KAT6A: variants seen among roughly 807,000 people sequenced by gnomAD.
The protein encoded by KAT6A is lysine acetyltransferase 6A.
KAT6A carries 9 observed loss-of-function variants against 198.4 expected under a neutral mutation model. The observed-to-expected ratio is 0.05, with a 90% CI of 0.03 to 0.08. The LOEUF is 0.08. Among genes scored for constraint, KAT6A ranks in the 10% least tolerant of loss-of-function variants. The pLI, the probability that KAT6A is intolerant of heterozygous loss-of-function variation, is 1.00. For missense variants in KAT6A, 2,077 were observed against 2,509.9 expected (o/e 0.83, Z 3.69); for synonymous variants, 890 against 883.0 (o/e 1.01, Z -0.14).
chr8:41,943,949 G>A lies in KAT6A; in HGVS notation c.2027C>T (p.Ala676Val), dbSNP rs768747478. ...AGATAACGGTTTCTCTGGAGACCCT[G>A]CTTGGCCTTCACGCTTTGATAACAA... Reference protein sequence around the residue: ...SYLLSKREGQAGSPEKPLSDL... With the variant: ...SYLLSKREGQVGSPEKPLSDL... Residue 676 changes from alanine to valine, a missense_variant, in exon 13 of 17, where the codon GCA becomes GTA. This residue lies in a region of KAT6A where 127 missense variants were observed against 209.6 expected (regional missense o/e 0.61). Transcript: ENST00000265713. The A allele has an allele frequency of 1.2e-6, 2 of 1,613,854 alleles. No individual in the cohort carries two copies. Among genetic ancestry groups the A allele is most frequent in the Non-Finnish European group, 1.7e-6 (2 of 1,179,840 alleles).
intron 3 of KAT6A, among the ~76,000 whole-genome samples, chr8:41,984,183 T>C (rs1205955151): frequency 6.6e-6 from 1 of 152,234 alleles, no homozygotes; most frequent in East Asian, 1.9e-4. Flanking sequence ...TGCCTCCTGC[T>C]AGTCATACTC....
chr8:42,045,941 C>G (rs368310245), intron 2 of KAT6A, among the ~76,000 whole-genome samples: 1 of 151,776 alleles, frequency 6.6e-6, no homozygotes, highest in East Asian at 1.9e-4. Context: ...GCTGAGATCA[C>G]ACCACTGCAC....
chr8:42,044,058 A>T (rs1391484643), intron 2 of KAT6A, among the ~76,000 whole-genome samples: 3 of 152,070 alleles, frequency 2.0e-5, no homozygotes, highest in African/African-American at 7.2e-5. Flanking sequence ...ACCACACTCT[A>T]AAGTTAGCTC....
At chr8:41,977,912 T>C (rs571046265) in intron 6 of KAT6A, among the ~76,000 whole-genome samples, 3 of 152,320 alleles carry the variant, frequency 2.0e-5, no homozygotes, top group Non-Finnish European at 2.9e-5. Flanking sequence ...ACCTTCAAGA[T>C]AGTCTTACGT....
intron 2 of KAT6A, among the ~76,000 whole-genome samples, chr8:41,992,015 A>C (rs1346767030): frequency 6.6e-6 from 1 of 152,148 alleles, no homozygotes; most frequent in Non-Finnish European, 1.5e-5. Context: ...GAGCCTGGGC[A>C]ACAAGCAAAA....
intron 8 of KAT6A, among the ~76,000 whole-genome samples, chr8:41,960,022 G>C (rs1823116003): frequency 6.6e-6 from 1 of 151,792 alleles, no homozygotes; most frequent in Non-Finnish European, 1.5e-5. Flanking sequence ...ATGAACCTTG[G>C]GGACATTATG....
At chr8:41,984,111 C>T (rs987141070) in intron 3 of KAT6A, among the ~76,000 whole-genome samples, 5 of 152,192 alleles carry the variant, frequency 3.3e-5, no homozygotes, top group African/African-American at 1.2e-4. Flanking sequence ...TCCAGCTATG[C>T]CCATGCTGTT....
chr8:41,955,769 G>A (rs901590289), intron 8 of KAT6A, among the ~76,000 whole-genome samples: 4 of 152,164 alleles, frequency 2.6e-5, no homozygotes, highest in Admixed American at 2.6e-4. Flanking sequence ...TTACAAGTGA[G>A]GGAGGGGGAC....
intron 2 of KAT6A, among the ~76,000 whole-genome samples, chr8:42,000,457 A>G (rs768951687): frequency 2.7e-4 from 41 of 152,078 alleles, no homozygotes; most frequent in Non-Finnish European, 5.1e-4. Context: ...AGGCTGAGGC[A>G]GGAGAATCAC....
chr8:41,984,912 G>C (rs1439173815), intron 3 of KAT6A, among the ~76,000 whole-genome samples: 1 of 151,642 alleles, frequency 6.6e-6, no homozygotes, highest in Admixed American at 6.6e-5. Context: ...GAACCCGGGA[G>C]GCAGAGCTTG....
chr8:41,934,253 G>A lies in KAT6A; in HGVS notation c.3967C>T (p.His1323Tyr), dbSNP rs761019783. 11 of 1,613,908 alleles carry A rather than the reference G, an allele frequency of 6.8e-6. No individual in the cohort carries two copies. The African/African-American group carries it at 1.3e-4, about 20-fold the overall frequency. The change falls in exon 17 of 17, where the codon CAC becomes TAC. Residue 1323 changes from histidine to tyrosine, a missense_variant. Coordinates refer to ENST00000265713, the MANE Select transcript of KAT6A (RefSeq NM_006766.5). ...DHDADDEDDG[H>Y]LESTKKKELE... The stretch of plus-strand genomic sequence containing the variant: ...TCCTTTTTCTTTGTGGACTCCAGGT[G>A]GCCATCATCCTCATCATCAGCGTCG...
At chr8:42,019,562 C>A (rs890091261) in intron 2 of KAT6A, among the ~76,000 whole-genome samples, 4 of 152,102 alleles carry the variant, frequency 2.6e-5, no homozygotes, top group Admixed American at 2.6e-4. Context: ...CATGAAGAAA[C>A]TGAGGGCAAA....
chr8:42,025,133 T>G (rs928734395), intron 2 of KAT6A, among the ~76,000 whole-genome samples: 1 of 152,218 alleles, frequency 6.6e-6, no homozygotes. Context: ...ACAACAGCCA[T>G]TCTAACAAGG....
At chr8:41,989,551 G>A (rs1353888010) in intron 2 of KAT6A, among the ~76,000 whole-genome samples, 2 of 151,864 alleles carry the variant, frequency 1.3e-5, no homozygotes, top group African/African-American at 2.4e-5. Flanking sequence ...GTGACGTGAC[G>A]TGACGTGACG....
Position 41,933,261 on chromosome 8 carries a change from T to G in KAT6A, c.4959A>C (p.Pro1653=), listed in dbSNP as rs777027262. 15 of 1,548,424 alleles carry G rather than the reference T, an allele frequency of 9.7e-6. No homozygotes were observed. Among genetic ancestry groups the G allele is most frequent in the Non-Finnish European group, 1.3e-5 (15 of 1,150,190 alleles). The part of the protein sequence containing the change: ...PPSNQQQQPP[P]PPPQQPQPPP... Reference sequence around the variant, plus strand: ...GCGGCTGTGGCTGCTGTGGAGGCGGTGGTGGCGGCTGCTGCTGCTGGTTAC... The same window carrying G: ...GCGGCTGTGGCTGCTGTGGAGGCGGGGGTGGCGGCTGCTGCTGCTGGTTAC... Residue 1653 remains proline (P), a synonymous_variant, in exon 17 of 17, where the codon CCA becomes CCC. Transcript: ENST00000265713. This position sits in a 1 kb window ranked among gnomAD's most constrained non-coding sequence, Gnocchi z 6.2.
chr8:42,043,631 G>A (rs1827769755), intron 2 of KAT6A: 1 of 152,064 alleles, frequency 6.6e-6, no homozygotes, highest in Non-Finnish European at 1.5e-5. Flanking sequence ...AATGAAGACG[G>A]GCGGGAATTT....
intron 2 of KAT6A, among the ~76,000 whole-genome samples, chr8:42,043,022 T>C (rs1827741415): frequency 6.6e-6 from 1 of 152,224 alleles, no homozygotes; most frequent in African/African-American, 2.4e-5. Context: ...CATATTATTA[T>C]TTCTGAGTCA....
chr8:41,943,126 C>T (rs1383161690), intron 13 of KAT6A, 126 bp from the exon 14 acceptor site: 13 of 1,219,554 alleles, frequency 1.1e-5, no homozygotes, highest in African/African-American at 3.0e-5. Flanking sequence ...CTGCCTGGGA[C>T]GATGGAATGC....
At chr8:41,966,454 A>T (rs1041294721) in intron 8 of KAT6A, among the ~76,000 whole-genome samples, 1 of 152,122 alleles carries the variant, frequency 6.6e-6, no homozygotes, top group Non-Finnish European at 1.5e-5. Context: ...GGTTTCAGGC[A>T]TCTACTGGGG....
Sources: gnomAD v4.1 joint callset for allele counts (sites outside exome capture counted in the v4.1 genomes callset) on GRCh38, gnomAD v4.1.1 for gene constraint, gnomAD v4.1.1 regional missense constraint, Gnocchi (gnomAD v3.1) non-coding constraint, MANE v1.5 for transcripts, NCBI Gene and HGNC (gene_info 2026-07-23, HGNC 2026-07-21) for gene names.